Variants in NR1D2 observed in about 807,000 individuals in gnomAD.
NR1D2 encodes the protein V-erbA-related protein 1-related.
A neutral mutation model predicts 52.2 loss-of-function variants in NR1D2; 25 were observed. The ratio of observed to expected loss-of-function variants is 0.48; its 90% CI spans 0.35 to 0.67. The LOEUF (loss-of-function observed/expected upper bound fraction) is 0.67, where lower values mean the gene tolerates loss of function less well. Ranked by LOEUF, NR1D2 falls within the 30% of genes least tolerant of loss-of-function variation. NR1D2 has a pLI of 0.01. For missense variants in NR1D2, 681 were observed against 707.2 expected, an observed-to-expected ratio of 0.96 and a Z score of 0.42; for synonymous variants, 259 against 230.1, an observed-to-expected ratio of 1.13 and a Z score of -1.14.
At position 23,977,556 on chromosome 3, in the gene NR1D2, A is replaced by G. The variant is rs539336507; in HGVS notation, c.*137A>G. 3 of 508,070 alleles carry G rather than the reference A, an allele frequency of 5.9e-6. No individual in the cohort carries two copies. The South Asian group carries it at 1.6e-4, about 27-fold the overall frequency. The allele number at this position is 508,070 out of a possible 1,614,324, so 31.5% of individuals were successfully genotyped here. ...AAGATTGTAGGCTATCTCTGTAATC[A>G]TGCAATAGCTGTTCGGATTGAGAAC... On this transcript the variant is annotated 3_prime_UTR_variant, in exon 8 of 8. Coordinates refer to ENST00000312521, the MANE Select transcript of NR1D2 (RefSeq NM_005126.5).
intron 1 of NR1D2, among the ~76,000 whole-genome samples, chr3:23,951,708 T>C (rs180895419): frequency 1.9e-4 from 29 of 152,356 alleles, no homozygotes; most frequent in African/African-American, 6.7e-4. Flanking sequence ...AATTCACTGA[T>C]TGTAGCCATT....
In NR1D2 at chr3:23,945,393, C is replaced by G. The variant is rs567334699; in HGVS notation, c.-186C>G. The G allele has an allele frequency of 0.012, 2,180 of 183,820 alleles. 21 individuals carry two copies. Among genetic ancestry groups the G allele is most frequent in the Middle Eastern group, 0.025 (11 of 434 alleles). The allele number at this position is 183,820 out of a possible 1,614,324, so 11.4% of individuals were successfully genotyped here. A position where few individuals can be genotyped will look rare whatever the true frequency, so the allele number is the denominator to read the frequency against. ...GCGCCGCTCGCCGGCCGCCGCCACC[C>G]TCTCTCGCTGCAGCCTGCTGTGCGC... On this transcript the variant is annotated 5_prime_UTR_variant, in exon 1 of 8. Coordinates refer to ENST00000312521, the MANE Select transcript of NR1D2 (RefSeq NM_005126.5).
Position 23,945,674 on chromosome 3 carries a change from AG to A in NR1D2, c.16+85del, listed in dbSNP as rs915122669. On this transcript the variant is annotated intron_variant, in intron 1 of 7. Coordinates refer to ENST00000312521, the MANE Select transcript of NR1D2 (RefSeq NM_005126.5). ...GCGGGGCACTTTGGGGGGCGGCGGC[AG>A]GGGGTGTCCCCATGGCCGGTGGGGC... is the stretch of plus-strand genomic sequence containing the variant. The A allele has an allele frequency of 2.3e-5, 5 of 222,006 alleles. No homozygotes were observed. In the East Asian group the frequency reaches 6.2e-4, roughly 28 times the overall value. 13.8% of individuals were successfully genotyped at this position (222,006 alleles called of 1,614,324 possible). A position where few individuals can be genotyped will look rare whatever the true frequency, so the allele number is the denominator to read the frequency against.
At chr3:23,946,741 T>A (rs1705734658) in intron 1 of NR1D2, 1 of 152,220 alleles carries the variant, frequency 6.6e-6, no homozygotes, top group Non-Finnish European at 1.5e-5. Flanking sequence ...CGCTGACTTT[T>A]CCTGAATCTG....
intron 4 of NR1D2, among the ~76,000 whole-genome samples, chr3:23,960,579 G>A (rs1211084332): frequency 6.6e-6 from 1 of 152,114 alleles, no homozygotes; most frequent in East Asian, 1.9e-4. Flanking sequence ...TGATCCACCT[G>A]CCTCGGCCTC....
chr3:23,947,915 C>T (rs966307700), intron 1 of NR1D2, among the ~76,000 whole-genome samples: 1 of 152,024 alleles, frequency 6.6e-6, no homozygotes, highest in African/African-American at 2.4e-5. Flanking sequence ...GTAAGGAGTT[C>T]GAGACCAGCC....
intron 3 of NR1D2, among the ~76,000 whole-genome samples, chr3:23,958,172 G>GGT (rs998807024): frequency 4.6e-5 from 7 of 152,122 alleles, no homozygotes; most frequent in African/African-American, 1.4e-4. Flanking sequence ...CTACTCTGTT[G>GGT]GTGTGTGGTG....
chr3:23,976,966 T>C (rs1190920443), intron 7 of NR1D2, among the ~76,000 whole-genome samples: 1 of 151,662 alleles, frequency 6.6e-6, no homozygotes, highest in African/African-American at 2.4e-5. Context: ...CTCTATGTTC[T>C]TGTGAATAAA....
chr3:23,965,939 C>G (rs1706438712), intron 6 of NR1D2, among the ~76,000 whole-genome samples: 1 of 152,190 alleles, frequency 6.6e-6, no homozygotes, highest in African/African-American at 2.4e-5. Context: ...CACCTTAGCT[C>G]TTCCTGGTTT....
rs1226249088 is a variant in NR1D2, at chr3:23,946,033, G to T, written c.16+439G>T. 4 of 863,420 alleles carry T rather than the reference G, an allele frequency of 4.6e-6. No homozygotes were observed. The Admixed American group carries it at 1.9e-4, about 40-fold the overall frequency. The allele number at this position is 863,420 out of a possible 1,614,324, so 53.5% of individuals were successfully genotyped here. ...CGCAGGGACACGTGGGGGCGGGGGC[G>T]CGCGCGCGCGCGCTGGCTGGGAGCG... On this transcript the variant is annotated intron_variant, in intron 1 of 7. Coordinates refer to ENST00000312521, the MANE Select transcript of NR1D2 (RefSeq NM_005126.5).
At chr3:23,958,208 A>C (rs886176187) in intron 3 of NR1D2, among the ~76,000 whole-genome samples, 1 of 152,218 alleles carries the variant, frequency 6.6e-6, no homozygotes. Context: ...GCTGGCACGT[A>C]GTCAGTGATT....
intron 5 of NR1D2, among the ~76,000 whole-genome samples, chr3:23,963,611 G>A (rs1706356739): frequency 6.6e-6 from 1 of 152,010 alleles, no homozygotes; most frequent in Non-Finnish European, 1.5e-5. Context: ...CACCATGCCT[G>A]GCTAATTTTT....
chr3:23,945,833 C>A (rs1045371185), intron 1 of NR1D2, among the ~76,000 whole-genome samples: 26 of 150,886 alleles, frequency 1.7e-4, no homozygotes, highest in East Asian at 1.6e-3. Context: ...CGGCCCCCCC[C>A]TCACATGGCC....
At chr3:23,969,129 T>C (rs2125295775) in intron 7 of NR1D2, among the ~76,000 whole-genome samples, 1 of 151,984 alleles carries the variant, frequency 6.6e-6, no homozygotes, top group African/African-American at 2.4e-5. Context: ...CTACTAAAAA[T>C]ACAAAAATTA....
chr3:23,977,622 G>T lies in NR1D2; in HGVS notation c.*203G>T. On this transcript the variant is annotated 3_prime_UTR_variant, in exon 8 of 8. Transcript: ENST00000312521. ...AGACGTTGACTGCATCTCCCTGATA[G>T]ACCAATCAGCTGTGTCGCACTTAAA... is the stretch of plus-strand genomic sequence containing the variant. 1 of 396,966 alleles carries T rather than the reference G, an allele frequency of 2.5e-6. No homozygotes were observed. The highest frequency in any genetic ancestry group is 4.5e-6 in the Non-Finnish European group (1 of 223,734). 24.6% of individuals were successfully genotyped at this position (396,966 alleles called of 1,614,324 possible).
chr3:23,952,698 C>G (rs2125284122), intron 1 of NR1D2, among the ~76,000 whole-genome samples: 1 of 150,830 alleles, frequency 6.6e-6, no homozygotes, highest in South Asian at 2.1e-4. Flanking sequence ...TGCACTCCAG[C>G]CTGGACAACA....
At chr3:23,958,016 C>A (rs1041642759) in intron 3 of NR1D2, among the ~76,000 whole-genome samples, 2 of 152,168 alleles carry the variant, frequency 1.3e-5, no homozygotes, top group Admixed American at 6.5e-5. Flanking sequence ...TAATTGCATT[C>A]TTGAGTTTTC....
At chr3:23,947,410 G>C (rs984281481) in intron 1 of NR1D2, among the ~76,000 whole-genome samples, 7 of 152,002 alleles carry the variant, frequency 4.6e-5, no homozygotes, top group Admixed American at 3.9e-4. Flanking sequence ...CTTTGTCCTT[G>C]CCCAGCATTG....
At chr3:23,965,785 T>G (rs577276804) in intron 6 of NR1D2, among the ~76,000 whole-genome samples, 10 of 152,344 alleles carry the variant, frequency 6.6e-5, no homozygotes, top group African/African-American at 2.4e-4. Flanking sequence ...ACTTAACAAG[T>G]TTCTGCAGTG....
Sources: gnomAD v4.1 joint callset for allele counts (sites outside exome capture counted in the v4.1 genomes callset) on GRCh38, gnomAD v4.1.1 for gene constraint, MANE v1.5 for transcripts, NCBI Gene and HGNC (gene_info 2026-07-23, HGNC 2026-07-21) for gene names.